Variants in VWF observed in about 807,000 individuals in gnomAD.
The protein encoded by VWF is Factor VIII related antigen.
Under a neutral mutation model 308.6 loss-of-function variants are expected in VWF, and 176 were observed. The observed-to-expected ratio is 0.57, with a 90% CI of 0.50 to 0.65. VWF has a LOEUF of 0.65. VWF is among the 30% of genes least tolerant of loss of function. VWF has a pLI of 0.00. For synonymous variants in VWF, 1,385 were observed against 1,443.4 expected (o/e 0.96, Z 0.92); for missense variants, 3,146 against 3,648.2 (o/e 0.86, Z 3.55).
intron 42 of VWF, among the ~76,000 whole-genome samples, chr12:5,979,533 C>T (rs1186545028): frequency 1.3e-5 from 2 of 151,980 alleles, no homozygotes; most frequent in Non-Finnish European, 2.9e-5. Flanking sequence ...GGGTGGATCA[C>T]AAGGTCAAGA....
chr12:6,010,581 T>C (rs1271164587), intron 34 of VWF, among the ~76,000 whole-genome samples: 1 of 152,242 alleles, frequency 6.6e-6, no homozygotes, highest in Non-Finnish European at 1.5e-5. Flanking sequence ...ATTGCAGCAT[T>C]GCTTGTCATT....
At chr12:5,983,794 G>A (rs200143812) in intron 40 of VWF, among the ~76,000 whole-genome samples, 9 of 148,656 alleles carry the variant, frequency 6.1e-5, no homozygotes, top group African/African-American at 2.2e-4. Flanking sequence ...AGATACAATA[G>A]AGATAGATAG....
intron 5 of VWF, 96 bp from the exon 6 acceptor site, chr12:6,095,680 T>C: frequency 6.3e-7 from 1 of 1,580,058 alleles, no homozygotes; most frequent in Admixed American, 1.7e-5. Context: ...TTTGTGTGTT[T>C]TGTTTTAATT....
intron 43 of VWF, among the ~76,000 whole-genome samples, chr12:5,975,529 A>G (rs1943523140): frequency 6.6e-6 from 1 of 152,214 alleles, no homozygotes; most frequent in African/African-American, 2.4e-5. Context: ...AACAGGGATC[A>G]TGTTTTCCGT....
chr12:5,949,134 A>T lies in VWF; in HGVS notation c.8323T>A (p.Ser2775Thr). The T allele has an allele frequency of 6.2e-7, 1 of 1,614,246 alleles. No homozygotes were observed. Among genetic ancestry groups the T allele is most frequent in the Non-Finnish European group, 8.5e-7 (1 of 1,180,044 alleles). Residue 2775 changes from serine to threonine, a missense_variant, in exon 52 of 52, where the codon TCT becomes ACT. Physicochemically the swap from Ser to Thr is moderately conservative, Grantham distance 58. Around this residue, in one of 3 missense-constraint regions of VWF, gnomAD observed 989 missense variants for 1,117.4 expected, o/e 0.89. Coordinates refer to ENST00000261405, the MANE Select transcript of VWF (RefSeq NM_000552.5). ...TGCATGGGCTCCGTCCGTGTCGGAGAGCAGCAGGAGCACTGGTCCTGCACA... is the reference window on the plus strand; with the variant it reads ...TGCATGGGCTCCGTCCGTGTCGGAGTGCAGCAGGAGCACTGGTCCTGCACA... ...NDVQDQCSCC[S>T]PTRTEPMQVA...
chr12:6,095,369 C>G lies in VWF; in HGVS notation c.657+91G>C, dbSNP rs752584191. ...GGCCCTGCGTAAGTCCATTCCTCCC[C>G]CAGATGGAAGGATATGAGACTGAGT... On this transcript the variant is annotated intron_variant, in intron 6 of 51. Transcript: ENST00000261405. 1.9e-6 allele frequency: 3 copies of G among 1,595,054 alleles called. No homozygotes were observed. In the Admixed American group the frequency reaches 5.0e-5, roughly 27 times the overall value.
At chr12:6,049,082 C>T (rs1944478890) in intron 16 of VWF, among the ~76,000 whole-genome samples, 2 of 152,202 alleles carry the variant, frequency 1.3e-5, no homozygotes, top group Non-Finnish European at 2.9e-5. Flanking sequence ...TGACCAAGCA[C>T]GCGGTCTGCA....
chr12:6,082,263 C>T (rs1293243039), intron 6 of VWF, among the ~76,000 whole-genome samples: 1 of 151,998 alleles, frequency 6.6e-6, no homozygotes, highest in Non-Finnish European at 1.5e-5. Context: ...CCGCGCCTGG[C>T]CTAAAAATAT....
intron 3 of VWF, among the ~76,000 whole-genome samples, chr12:6,111,821 G>T (rs1945311037): frequency 6.6e-6 from 1 of 151,966 alleles, no homozygotes; most frequent in African/African-American, 2.4e-5. Flanking sequence ...AGCCAGGCGA[G>T]GTGGCTGGCG....
rs1943750475 is a variant in VWF at position 5,991,979 on chromosome 12, T to C, written c.6638A>G (p.Glu2213Gly). The C allele has an allele frequency of 2.5e-6, 4 of 1,614,178 alleles. No homozygotes were observed. Among genetic ancestry groups the C allele is most frequent in the Non-Finnish European group, 2.5e-6 (3 of 1,180,034 alleles). The change falls in exon 38 of 52, where the codon GAG (glutamate) becomes GGG (glycine). Residue 2213 changes from glutamate (E) to glycine (G), a missense_variant. Physicochemically the swap from Glu to Gly is moderately conservative, Grantham distance 98 (BLOSUM62 -2). Around this residue, in one of 3 missense-constraint regions of VWF, gnomAD observed 989 missense variants for 1,117.4 expected, o/e 0.89. Coordinates refer to ENST00000261405, the MANE Select transcript of VWF (RefSeq NM_000552.5). ...CPPSLVYNHC[E>G]HGCPRHCDGN... ...ATCACAGTGCCGGGGACAGCCATGC[T>C]CACAGTGGTTGTAGACCAGAGATGG...
intron 19 of VWF, 130 bp from the exon 20 acceptor site, chr12:6,034,956 G>C: frequency 4.2e-6 from 5 of 1,185,336 alleles, no homozygotes; most frequent in Non-Finnish European, 6.0e-6. Context: ...GCCCAAGGAA[G>C]TTGAGGACCT....
intron 34 of VWF, among the ~76,000 whole-genome samples, chr12:6,006,743 C>A (rs1281968053): frequency 1.3e-5 from 2 of 152,174 alleles, no homozygotes; most frequent in Non-Finnish European, 2.9e-5. Context: ...CGAGCCATTG[C>A]ACTCCAGCCT....
chr12:6,122,721 T>C (rs1184093390), intron 2 of VWF: 1 of 524,224 alleles, frequency 1.9e-6, no homozygotes, highest in South Asian at 1.4e-5. Flanking sequence ...CCAGGAAGAC[T>C]GACCTCTGAT....
intron 10 of VWF, among the ~76,000 whole-genome samples, chr12:6,069,941 A>G (rs1246535483): frequency 6.6e-6 from 1 of 152,210 alleles, no homozygotes; most frequent in African/African-American, 2.4e-5. Flanking sequence ...GATTCACCCT[A>G]TAGTAAGTAC....
rs61750085 is a variant in VWF, at chr12:6,019,079, C to G, written c.4339G>C (p.Glu1447Gln). ...AFVLSSVDEL[E>Q]QQRDEIVSYL... is the part of the protein sequence containing the mutation. Reference sequence around the variant, plus strand: ...CTAACGATCTCGTCCCTTTGCTGCTCCAGCTCATCCACACTGCTCAGCACG... The same window carrying G: ...CTAACGATCTCGTCCCTTTGCTGCTGCAGCTCATCCACACTGCTCAGCACG... Residue 1447 changes from glutamate to glutamine, a missense_variant, in exon 28 of 52, where the codon GAG becomes CAG. Glu to Gln is a conservative substitution (Grantham distance 29, BLOSUM62 2). Transcript: ENST00000261405. This position sits in a 1 kb window ranked among gnomAD's most constrained non-coding sequence, Gnocchi z 5.8. 3.7e-6 allele frequency: 6 copies of G among 1,613,874 alleles called. No homozygotes were observed. The highest frequency in any genetic ancestry group is 4.2e-6 in the Non-Finnish European group (5 of 1,179,848).
chr12:6,026,589 A>G (rs1944195409), intron 22 of VWF, among the ~76,000 whole-genome samples: 1 of 152,168 alleles, frequency 6.6e-6, no homozygotes, highest in African/African-American at 2.4e-5. Flanking sequence ...CTCCATGTTC[A>G]CCCATCATGG....
intron 49 of VWF, among the ~76,000 whole-genome samples, 169 bp from the exon 50 acceptor site, chr12:5,952,052 A>C (rs1419568739): frequency 1.3e-5 from 2 of 152,172 alleles, no homozygotes; most frequent in African/African-American, 4.8e-5. Context: ...ACCCTACCTG[A>C]CCAGGCTGAA....
intron 34 of VWF, among the ~76,000 whole-genome samples, chr12:6,009,021 CT>C (rs1235622292): frequency 6.6e-6 from 1 of 152,148 alleles, no homozygotes; most frequent in Non-Finnish European, 1.5e-5. Context: ...CAACATTGGT[CT>C]TGGCGACGAT....
rs140077306 is a variant in VWF, at chr12:6,019,137, G to A, written c.4281C>T (p.Leu1427=). ...GPHANLKQIR[L]IEKQAPENKA... is the part of the protein sequence containing the mutation. ...TGTTCTCAGGGGCCTGCTTCTCGAT[G>A]AGGCGGATCTGCTTGAGGTTGGCAT... Residue 1427 remains leucine, a synonymous_variant, in exon 28 of 52, where the codon CTC becomes CTT. Transcript: ENST00000261405. The surrounding 1 kb of genome is among the most constrained non-coding windows in gnomAD (Gnocchi z 5.8). 2 of 1,613,938 alleles carry A rather than the reference G, an allele frequency of 1.2e-6. No individual in the cohort carries two copies. Among genetic ancestry groups the A allele is most frequent in the Non-Finnish European group, 1.7e-6 (2 of 1,179,848 alleles).
Sources: gnomAD v4.1 joint callset for allele counts (sites outside exome capture counted in the v4.1 genomes callset) on GRCh38, gnomAD v4.1.1 for gene constraint, gnomAD v4.1.1 regional missense constraint, Gnocchi (gnomAD v3.1) non-coding constraint, MANE v1.5 for transcripts, NCBI Gene and HGNC (gene_info 2026-07-23, HGNC 2026-07-21) for gene names.